The following TRAK1 variants were observed in gnomAD, a reference collection of about 807,000 sequenced individuals.
TRAK1 encodes the protein trafficking kinesin-binding protein 1.
TRAK1 carries 33 observed loss-of-function variants against 92.1 expected under a neutral mutation model. That is an observed-to-expected ratio of 0.36 (90% CI 0.27 to 0.48). The LOEUF (loss-of-function observed/expected upper bound fraction) is 0.48. TRAK1 is among the 20% of genes least tolerant of loss of function. The pLI, the probability that TRAK1 is intolerant of heterozygous loss-of-function variation, is 0.99. For missense variants in TRAK1, 1,123 were observed against 1,257.9 expected, an observed-to-expected ratio of 0.89 and a Z score of 1.62; for synonymous variants, 521 against 517.3, an observed-to-expected ratio of 1.01 and a Z score of -0.10.
chr3:42,188,994 G>T, intron 5 of TRAK1, 22 bp from the exon 6 acceptor site: 1 of 1,562,796 alleles, frequency 6.4e-7, no homozygotes, highest in Non-Finnish European at 8.8e-7. Context: ...TCCCTAGGTT[G>T]TGAGCGTACT....
chr3:42,086,410 A>G (rs1704680504), upstream of TRAK1, among the ~76,000 whole-genome samples: 2 of 151,096 alleles, frequency 1.3e-5, no homozygotes, highest in Non-Finnish European at 2.9e-5. Context: ...GGTTCAAGCA[A>G]TTCTCCTGCC....
At chr3:42,104,602 A>T (rs946548808) in intron 1 of TRAK1, among the ~76,000 whole-genome samples, 3 of 152,244 alleles carry the variant, frequency 2.0e-5, no homozygotes, top group African/African-American at 7.2e-5. Flanking sequence ...GTGGACCTCC[A>T]GCAAACTCCA....
chr3:42,149,412 A>T, intron 2 of TRAK1: 1 of 1,493,288 alleles, frequency 6.7e-7, no homozygotes, highest in South Asian at 1.3e-5. Flanking sequence ...GTACAGCCTA[A>T]TTCTGGTGTG....
At chr3:42,046,338 T>TAAA (rs11411603) in intron 1 of TRAK1, among the ~76,000 whole-genome samples, 4 of 143,174 alleles carry the variant, frequency 2.8e-5, no homozygotes, top group African/African-American at 1.0e-4. Context: ...AGAGAACATT[T>TAAA]AAAAAAAAAA....
chr3:42,194,906 T>A lies in TRAK1; in HGVS notation c.1078T>A (p.Ser360Thr). 2 of 1,613,888 alleles carry A rather than the reference T, an allele frequency of 1.2e-6. No homozygotes were observed. The highest frequency in any genetic ancestry group is 1.7e-6 in the Non-Finnish European group (2 of 1,179,918). The change falls in exon 10 of 16, where the codon TCT (serine) becomes ACT (threonine). Residue 360 changes from serine (S) to threonine (T), a missense_variant. Coordinates refer to ENST00000327628, the MANE Select transcript of TRAK1 (RefSeq NM_001042646.3). ...GAACAAAACCATGCCCAATACCACG[T>A]CTCGGCGCTACCACTCACTGGGCCT... Reference protein sequence around the residue: ...LRNKTMPNTTSRRYHSLGLFP... With the variant: ...LRNKTMPNTTTRRYHSLGLFP...
chr3:42,062,742 C>T (rs1389362791), intron 1 of TRAK1, among the ~76,000 whole-genome samples: 1 of 152,160 alleles, frequency 6.6e-6, no homozygotes, highest in Non-Finnish European at 1.5e-5. Context: ...GCTGCTGCTG[C>T]CTAATATAAT....
chr3:42,196,425 A>G (rs778670986), intron 10 of TRAK1, among the ~76,000 whole-genome samples: 19 of 152,122 alleles, frequency 1.2e-4, no homozygotes, highest in Non-Finnish European at 2.5e-4. Flanking sequence ...ATTGTACTCA[A>G]TATTTCCTTC....
intron 1 of TRAK1, among the ~76,000 whole-genome samples, chr3:42,028,817 A>G (rs1312628668): frequency 6.6e-6 from 1 of 152,190 alleles, no homozygotes; most frequent in Non-Finnish European, 1.5e-5. Context: ...GATTCTGAGT[A>G]TGGAGGAAGC....
chr3:42,121,737 T>C, intron 1 of TRAK1, among the ~76,000 whole-genome samples: 1 of 152,224 alleles, frequency 6.6e-6, no homozygotes, highest in African/African-American at 2.4e-5. Flanking sequence ...TCCCATGTCC[T>C]AATTCTTTGG....
chr3:42,125,160 A>G (rs1037021798), intron 1 of TRAK1, among the ~76,000 whole-genome samples: 1 of 152,124 alleles, frequency 6.6e-6, no homozygotes, highest in African/African-American at 2.4e-5. Context: ...TAAAAGCTCA[A>G]AAATTTTGGC....
intron 1 of TRAK1, among the ~76,000 whole-genome samples, chr3:42,073,270 A>G (rs1334162139): frequency 2.0e-5 from 3 of 152,144 alleles, no homozygotes; most frequent in East Asian, 1.9e-4. Context: ...GGTTACCCTG[A>G]CACTGCTCCG....
At chr3:42,022,359 A>G (rs1701751693) in intron 1 of TRAK1, among the ~76,000 whole-genome samples, 1 of 152,248 alleles carries the variant, frequency 6.6e-6, no homozygotes, top group Non-Finnish European at 1.5e-5. Context: ...TTGGTAAAAT[A>G]GACTAAAACG....
intron 1 of TRAK1, among the ~76,000 whole-genome samples, chr3:42,043,917 T>G (rs1406705826): frequency 1.3e-5 from 2 of 152,186 alleles, no homozygotes. Context: ...AAAATTACTT[T>G]AAAATTTATT....
chr3:42,096,942 C>T (rs1189520697), intron 1 of TRAK1, among the ~76,000 whole-genome samples: 2 of 152,238 alleles, frequency 1.3e-5, no homozygotes, highest in Non-Finnish European at 2.9e-5. Context: ...AGGTTTTCCA[C>T]CTTCATCTTA....
At chr3:42,209,683 G>A (rs112803041) in intron 13 of TRAK1, 84 bp from the exon 14 acceptor site, 6 of 1,378,214 alleles carry the variant, frequency 4.4e-6, no homozygotes, top group African/African-American at 4.3e-5. Context: ...CACTTTGAGG[G>A]TGGTAAACAG....
upstream of TRAK1, among the ~76,000 whole-genome samples, chr3:42,013,534 AGGGCGGCCCGCAGGTGGCGGCGCG>A (rs1701388508): frequency 1.1e-5 from 1 of 87,682 alleles, no homozygotes; most frequent in African/African-American, 4.4e-5. The surrounding 1 kb of genome is among the most constrained non-coding windows in gnomAD (Gnocchi z 5.1). Flanking sequence ...GGCATCCTGG[AGGGCGGCCCGCAGGTGGCGGCGCG>A]GGGCGGCGGG....
At chr3:42,080,363 C>T (rs1157372755) in intron 1 of TRAK1, among the ~76,000 whole-genome samples, 2 of 152,166 alleles carry the variant, frequency 1.3e-5, no homozygotes, top group East Asian at 3.9e-4. Flanking sequence ...ATACTTTATC[C>T]TACTACTATT....
At chr3:42,061,252 C>T (rs1703428118) in intron 1 of TRAK1, among the ~76,000 whole-genome samples, 1 of 151,708 alleles carries the variant, frequency 6.6e-6, no homozygotes, top group Non-Finnish European at 1.5e-5. Flanking sequence ...TGTGTGTCTA[C>T]ATCTGTGCAT....
At chr3:42,037,836 A>G (rs1702379846) in intron 1 of TRAK1, among the ~76,000 whole-genome samples, 1 of 152,230 alleles carries the variant, frequency 6.6e-6, no homozygotes, top group Admixed American at 6.5e-5. Context: ...AATAACATTT[A>G]GTGAGTGTTT....
Sources: allele counts gnomAD v4.1 joint callset (sites outside exome capture counted in the v4.1 genomes callset), GRCh38; gene constraint gnomAD v4.1.1; non-coding constraint Gnocchi (gnomAD v3.1); transcripts MANE v1.5; gene names NCBI Gene and HGNC (gene_info 2026-07-23, HGNC 2026-07-21).